HHATL: variants seen among roughly 807,000 people sequenced by gnomAD.
The protein encoded by HHATL is hedgehog acyltransferase like.
In HHATL, 49 loss-of-function variants were observed where a neutral mutation model predicts 59.7. That is an observed-to-expected ratio of 0.82 (90% CI 0.65 to 1.04). HHATL has a LOEUF of 1.04. HHATL is among the 50% of genes least tolerant of loss of function. The probability of loss-of-function intolerance (pLI) is 0.00; values close to 1 mark genes in which losing one functional copy is unlikely to be tolerated. For missense variants in HHATL, 605 were observed against 650.8 expected (o/e 0.93, Z 0.77); for synonymous variants, 238 against 257.3 (o/e 0.93, Z 0.72).
intron 3 of HHATL, 72 bp downstream of exon 3, chr3:42,699,686 G>A (rs905362155): frequency 3.9e-5 from 52 of 1,322,390 alleles, no homozygotes; most frequent in Non-Finnish European, 5.4e-5. Context: ...TCTGTTACTT[G>A]CCAACATCTG....
chr3:42,693,401 G>C, intron 10 of HHATL, 183 bp from the exon 11 acceptor site: 2 of 836,038 alleles, frequency 2.4e-6, no homozygotes, highest in Non-Finnish European at 3.7e-6. Flanking sequence ...AGAGGACAAG[G>C]CCTGACCAAC....
intron 4 of HHATL, 39 bp from the exon 5 acceptor site, chr3:42,698,941 T>G (rs1454814812): frequency 1.2e-5 from 19 of 1,606,082 alleles, no homozygotes; most frequent in Non-Finnish European, 1.5e-5. Flanking sequence ...GCCATATAAA[T>G]GGGGGCGTGA....
In HHATL at chr3:42,699,136, C is replaced by A; in HGVS notation, c.184G>T (p.Asp62Tyr). The A allele has an allele frequency of 6.2e-7, 1 of 1,613,794 alleles. No individual in the cohort carries two copies. The highest frequency in any genetic ancestry group is 1.1e-5 in the South Asian group (1 of 91,052). ...EYIGRKMDVA[D>Y]FEWVMWFTSF... ...GTGAACCACATCACCCACTCGAAGT[C>A]AGCCACATCCTGGGGCAGTCCGGGG... The change falls in exon 4 of 12, where the codon GAC becomes TAC. Residue 62 changes from aspartate (D) to tyrosine (Y), a missense_variant. Transcript: ENST00000441594.
At chr3:42,698,378 G>A (rs1697749384) in intron 5 of HHATL, 27 bp from the exon 6 acceptor site, 1 of 1,594,018 alleles carries the variant, frequency 6.3e-7, no homozygotes, top group South Asian at 1.1e-5. Flanking sequence ...CAGGCCACCA[G>A]CTCACTAGGG....
In HHATL at chr3:42,697,611, G is replaced by A. The variant is rs148889442; in HGVS notation, c.762C>T (p.Ser254=). Residue 254 remains serine (S), a synonymous_variant, in exon 7 of 12, where the codon AGC becomes AGT. Transcript: ENST00000441594. ...LWHIRAQAGL[S]VVAIMAVDIF... is the part of the protein sequence containing the mutation. ...TGTCGACGGCCATGATGGCCACCACGCTTAGGCCTGCCTGGGCTCGGATGT... is the reference window on the plus strand; with the variant it reads ...TGTCGACGGCCATGATGGCCACCACACTTAGGCCTGCCTGGGCTCGGATGT... 1.5e-4 allele frequency: 245 copies of A among 1,614,024 alleles called. No individual in the cohort carries two copies. Among genetic ancestry groups the A allele is most frequent in the Non-Finnish European group, 4.7e-5 (55 of 1,180,006 alleles).
Position 42,693,810 on chromosome 3 carries a change from T to G in HHATL, c.1055A>C (p.Tyr352Ser), listed in dbSNP as rs146690323. The G allele has an allele frequency of 6.8e-6, 11 of 1,613,408 alleles. No homozygotes were observed. The highest frequency in any genetic ancestry group is 1.7e-5 in the Admixed American group (1 of 60,004). The change falls in exon 10 of 12, where the codon TAT becomes TCT. Residue 352 changes from tyrosine (Y) to serine (S), a missense_variant. By Grantham distance (144) the Tyr-to-Ser change is moderately radical (BLOSUM62 -2). Transcript: ENST00000441594. ...GINDWLCKYV[Y>S]NHIGGEHSAV... The stretch of plus-strand genomic sequence containing the variant: ...GGAATGCTCCCCACCAATGTGGTTA[T>G]ACACATATCTGCAGGAAAGATGGGA...
chr3:42,694,349 C>G lies in HHATL; in HGVS notation c.1047-531G>C, dbSNP rs536760740. 1,140 of 157,014 alleles carry G rather than the reference C, an allele frequency of 7.3e-3. 5 individuals are homozygous for G. The highest frequency in any genetic ancestry group is 0.012 in the Non-Finnish European group (834 of 70,494). 9.7% of individuals were successfully genotyped at this position (157,014 alleles called of 1,614,324 possible). The stretch of plus-strand genomic sequence containing the variant: ...CTCAGTCCTGACCACCACTCACCTC[C>G]TCTACCACCACCACCCTAGTCAAGA... On this transcript the variant is annotated intron_variant, in intron 9 of 11. Transcript: ENST00000441594.
Position 42,697,571 on chromosome 3 carries a change from A to C in HHATL, c.802T>G (p.Phe268Val). Residue 268 changes from phenylalanine to valine, a missense_variant, in exon 7 of 12, where the codon TTC becomes GTC. Coordinates refer to ENST00000441594, the MANE Select transcript of HHATL (RefSeq NM_020707.4). ...IMAVDIFFHF[F>V]YILTIPSDLK... Reference sequence around the variant, plus strand: ...TCGCTGGGGATAGTGAGGATGTAGAAGAAGTGAAAGAAGATGTCGACGGCC... The same window carrying C: ...TCGCTGGGGATAGTGAGGATGTAGACGAAGTGAAAGAAGATGTCGACGGCC... 2 of 1,614,098 alleles carry C rather than the reference A, an allele frequency of 1.2e-6. No homozygotes were observed. The highest frequency in any genetic ancestry group is 1.7e-6 in the Non-Finnish European group (2 of 1,179,994).
At chr3:42,692,914 CTG>C (rs755185199) in intron 11 of HHATL, 39 bp from the exon 12 acceptor site, 1 of 1,600,602 alleles carries the variant, frequency 6.2e-7, no homozygotes, top group African/African-American at 1.3e-5. Flanking sequence ...AGGAGCAGCA[CTG>C]CATCCTCAGC....
rs768752357 is a variant in HHATL, at chr3:42,699,815, G to A, written c.117C>T (p.His39=). The A allele has an allele frequency of 6.4e-7, 1 of 1,564,524 alleles. No homozygotes were observed. The highest frequency in any genetic ancestry group is 1.2e-5 in the South Asian group (1 of 84,862). The change falls in exon 3 of 12, where the codon CAC becomes CAT. Residue 39 remains histidine, a synonymous_variant. Coordinates refer to ENST00000441594, the MANE Select transcript of HHATL (RefSeq NM_020707.4). ...GCACAGACTCCCGGAAGGCCTTCCT[G>A]TGGGCCCCATCTGAGAACAGAGTGT... is the stretch of plus-strand genomic sequence containing the variant. ...GLLEASQDGA[H]RKAFRESVRP...
chr3:42,699,100 T>C lies in HHATL; in HGVS notation c.220A>G (p.Asn74Asp). 1 of 1,613,880 alleles carries C rather than the reference T, an allele frequency of 6.2e-7. No individual in the cohort carries two copies. The highest frequency in any genetic ancestry group is 8.5e-7 in the Non-Finnish European group (1 of 1,179,964). ...CCGGAGAGGGCAAAGATGATGACGT[T>C]GCGAAAGGAGGTGAACCACATCACC... Reference protein sequence around the residue: ...EWVMWFTSFRNVIIFALSGHV... With the variant: ...EWVMWFTSFRDVIIFALSGHV... The change falls in exon 4 of 12, where the codon AAC becomes GAC. Residue 74 changes from asparagine to aspartate, a missense_variant. Transcript: ENST00000441594.
chr3:42,693,573 C>T (rs1575226686), intron 10 of HHATL, 44 bp downstream of exon 10: 16 of 1,562,664 alleles, frequency 1.0e-5, no homozygotes, highest in Non-Finnish European at 1.4e-5. Flanking sequence ...CCCCCCCGCC[C>T]TCTATGACCC....
chr3:42,701,748 C>T lies in HHATL; in HGVS notation c.-14+831G>A, dbSNP rs1698003792. Among the ~76,000 whole-genome samples the T allele has an allele frequency of 6.6e-6, 1 of 152,258 alleles. No individual in the cohort carries two copies. Among genetic ancestry groups the T allele is most frequent in the African/African-American group, 2.4e-5 (1 of 41,474 alleles). ...CAGCTAGCACCTTTACCCTTCCTAT[C>T]CCGCTTCAGCCTGGCTCAGGGGCTT... On this transcript the variant is annotated intron_variant, in intron 1 of 11. Transcript: ENST00000441594. The surrounding 1 kb of genome is among the most constrained non-coding windows in gnomAD (Gnocchi z 5.1).
intron 2 of HHATL, 119 bp from the exon 3 acceptor site, chr3:42,699,944 G>C: frequency 1.4e-6 from 1 of 736,496 alleles, no homozygotes; most frequent in Admixed American, 2.4e-5. Flanking sequence ...GCACGGGTCT[G>C]AGTCTCTTTG....
chr3:42,693,090 G>A lies in HHATL; in HGVS notation c.1377C>T (p.Arg459=), dbSNP rs1163535106. 6.2e-7 allele frequency: 1 copy of A among 1,614,184 alleles called. No homozygotes were observed. Among genetic ancestry groups the A allele is most frequent in the East Asian group, 2.2e-5 (1 of 44,884 alleles). ...SLKFTELVAR[R]LLLTGFPQTT... The stretch of plus-strand genomic sequence containing the variant: ...CCTGTCCCTCACCTGTGAGTAGCAG[G>A]CGCCGGGCAACCAGCTCTGTGAATT... Residue 459 remains arginine (R), a synonymous_variant, in exon 11 of 12, where the codon CGC becomes CGT. Transcript: ENST00000441594.
intron 1 of HHATL, 114 bp from the exon 2 acceptor site, chr3:42,700,953 C>A: frequency 1.5e-6 from 1 of 666,266 alleles, no homozygotes; most frequent in Non-Finnish European, 2.7e-6. Context: ...CCCTCCAGCC[C>A]CTTGGGGACC....
rs1177645656 is a variant in HHATL, at chr3:42,701,765, CA to C, written c.-14+813del. ...CTTCCTATCCCGCTTCAGCCTGGCT[CA>C]GGGGCTTCCCAAGGACTCCATGGAT... is the stretch of plus-strand genomic sequence containing the variant. On this transcript the variant is annotated intron_variant, in intron 1 of 11. Transcript: ENST00000441594. This position sits in a 1 kb window ranked among gnomAD's most constrained non-coding sequence, Gnocchi z 5.1. Among the ~76,000 whole-genome samples, 2 of 152,228 alleles carry C rather than the reference CA, an allele frequency of 1.3e-5. No individual in the cohort carries two copies. Among genetic ancestry groups the C allele is most frequent in the Non-Finnish European group, 2.9e-5 (2 of 68,036 alleles).
At position 42,696,896 on chromosome 3, in the gene HHATL, T is replaced by A. The variant is rs541039325; in HGVS notation, c.1011-19A>T. 68 of 1,614,146 alleles carry A rather than the reference T, an allele frequency of 4.2e-5. No homozygotes were observed. The highest frequency in any genetic ancestry group is 5.7e-5 in the Non-Finnish European group (67 of 1,180,020). On this transcript the variant is annotated intron_variant, in intron 8 of 11. Transcript: ENST00000441594. ...AAAGTGCCTGTAAGAGGAAAGCAGA[T>A]GGGCATGTTGCCATCAGGCGCAGAG... is the stretch of plus-strand genomic sequence containing the variant.
At position 42,692,855 on chromosome 3, in the gene HHATL, A is replaced by C. The variant is rs1575224738; in HGVS notation, c.1411T>G (p.Ser471Ala). Residue 471 changes from serine (S) to alanine (A), a missense_variant, in exon 12 of 12, where the codon TCC (serine) becomes GCC (alanine). Coordinates refer to ENST00000441594, the MANE Select transcript of HHATL (RefSeq NM_020707.4). The part of the protein sequence containing the change: ...LLTGFPQTTL[S>A]ILFVTYCGVQ... ...CCACAGTAGGTGACAAACAGGATGG[A>C]CAGCGTGGTCTGGGGGAACCCTGTG... The C allele has an allele frequency of 6.2e-7, 1 of 1,614,222 alleles. No homozygotes were observed. Among genetic ancestry groups the C allele is most frequent in the Non-Finnish European group, 8.5e-7 (1 of 1,180,036 alleles).
Sources: allele counts gnomAD v4.1 joint callset (sites outside exome capture counted in the v4.1 genomes callset), GRCh38; gene constraint gnomAD v4.1.1; non-coding constraint Gnocchi (gnomAD v3.1); transcripts MANE v1.5; gene names NCBI Gene and HGNC (gene_info 2026-07-23, HGNC 2026-07-21).